The following LRRC4C variants were observed in gnomAD, a reference collection of about 807,000 sequenced individuals.
LRRC4C encodes the protein leucine rich repeat containing 4C, also known as leucine-rich repeat-containing protein 4C.
In LRRC4C, 5 loss-of-function variants were observed where a neutral mutation model predicts 33.6. That is an observed-to-expected ratio of 0.15 (90% CI 0.08 to 0.31). LRRC4C has a LOEUF of 0.31. Among genes scored for constraint, LRRC4C ranks in the 10% least tolerant of loss-of-function variants. The probability of loss-of-function intolerance (pLI) is 1.00; values close to 1 mark genes in which losing one functional copy is unlikely to be tolerated. For missense variants in LRRC4C, 560 were observed against 796.7 expected, an observed-to-expected ratio of 0.70 and a Z score of 3.58; for synonymous variants, 329 against 302.0, an observed-to-expected ratio of 1.09 and a Z score of -0.93.
At chr11:40,408,052 A>G (rs1251853225) in intron 3 of LRRC4C, among the ~76,000 whole-genome samples, 1 of 152,012 alleles carries the variant, frequency 6.6e-6, no homozygotes, top group Non-Finnish European at 1.5e-5. Flanking sequence ...TCAAGATCTC[A>G]TTTCTTTGTA....
intron 3 of LRRC4C, among the ~76,000 whole-genome samples, chr11:40,450,447 T>C (rs963166221): frequency 2.9e-4 from 44 of 152,196 alleles, no homozygotes; most frequent in South Asian, 4.1e-4. Context: ...TATATTATTT[T>C]TGATATAAAC....
intron 3 of LRRC4C, among the ~76,000 whole-genome samples, chr11:40,616,067 AAAAC>A (rs772724977): frequency 2.0e-5 from 3 of 152,002 alleles, no homozygotes; most frequent in Non-Finnish European, 2.9e-5. Context: ...TTACAAGAAA[AAAAC>A]AAACAACCCC....
At chr11:41,032,138 T>G (rs1856764461) in intron 1 of LRRC4C, among the ~76,000 whole-genome samples, 1 of 152,020 alleles carries the variant, frequency 6.6e-6, no homozygotes, top group Non-Finnish European at 1.5e-5. Flanking sequence ...TGCAGTTTGA[T>G]GGACTTGTGA....
intron 1 of LRRC4C, among the ~76,000 whole-genome samples, chr11:41,299,770 G>A (rs1950235850): frequency 6.6e-6 from 1 of 152,014 alleles, no homozygotes; most frequent in African/African-American, 2.4e-5. Flanking sequence ...TTTTCTAGAA[G>A]CAATAAGTTT....
intron 4 of LRRC4C, among the ~76,000 whole-genome samples, chr11:40,261,118 T>C (rs1867677127): frequency 6.6e-6 from 1 of 152,030 alleles, no homozygotes; most frequent in Non-Finnish European, 1.5e-5. Flanking sequence ...TGACCTCAAG[T>C]GATCTTCCCA....
At chr11:41,281,045 TC>T (rs1949648840) in intron 1 of LRRC4C, among the ~76,000 whole-genome samples, 4 of 119,290 alleles carry the variant, frequency 3.4e-5, no homozygotes, top group African/African-American at 1.4e-4. Flanking sequence ...ACATATTTTC[TC>T]TCTCTCTCTC....
At chr11:41,255,832 G>C (rs1006060138) in intron 1 of LRRC4C, among the ~76,000 whole-genome samples, 3 of 151,960 alleles carry the variant, frequency 2.0e-5, no homozygotes, top group Non-Finnish European at 4.4e-5. Context: ...GATCAAGTGG[G>C]AATGCCTTGA....
intron 5 of LRRC4C, among the ~76,000 whole-genome samples, chr11:40,185,751 T>C (rs1861352203): frequency 6.6e-6 from 1 of 152,106 alleles, no homozygotes; most frequent in African/African-American, 2.4e-5. Flanking sequence ...AGTTATAAAG[T>C]AATGGAGATT....
At chr11:40,758,350 G>T (rs1949042964) in intron 2 of LRRC4C, among the ~76,000 whole-genome samples, 1 of 151,990 alleles carries the variant, frequency 6.6e-6, no homozygotes, top group East Asian at 1.9e-4. Context: ...ATGACTTGAG[G>T]GTCCTCTCCT....
intron 3 of LRRC4C, among the ~76,000 whole-genome samples, chr11:40,389,352 C>T (rs1277649834): frequency 1.3e-5 from 2 of 152,122 alleles, no homozygotes; most frequent in East Asian, 1.9e-4. Flanking sequence ...ATCGCTGTAA[C>T]TTGCTTCAGG....
At chr11:41,303,142 T>G (rs1950335117) in intron 1 of LRRC4C, among the ~76,000 whole-genome samples, 1 of 116,484 alleles carries the variant, frequency 8.6e-6, no homozygotes, top group Admixed American at 9.4e-5. Flanking sequence ...CTCCCTCTCA[T>G]GCGGAGCCGA....
At chr11:40,368,958 A>G (rs939447684) in intron 3 of LRRC4C, among the ~76,000 whole-genome samples, 4 of 152,152 alleles carry the variant, frequency 2.6e-5, no homozygotes, top group East Asian at 3.9e-4. Context: ...CATGTTGTAA[A>G]TTAAGTATCT....
chr11:40,802,425 G>T (rs1392429935), intron 2 of LRRC4C, among the ~76,000 whole-genome samples: 1 of 151,622 alleles, frequency 6.6e-6, no homozygotes, highest in Non-Finnish European at 1.5e-5. Context: ...CACATATACT[G>T]AATGGAGAGA....
intron 1 of LRRC4C, among the ~76,000 whole-genome samples, chr11:41,059,474 G>T (rs1160774466): frequency 6.6e-6 from 1 of 152,010 alleles, no homozygotes; most frequent in Non-Finnish European, 1.5e-5. Context: ...CTCCACTTAG[G>T]AACCTGAGGC....
At chr11:41,241,048 G>A (rs754149189) in intron 1 of LRRC4C, among the ~76,000 whole-genome samples, 2 of 152,068 alleles carry the variant, frequency 1.3e-5, no homozygotes, top group Admixed American at 6.6e-5. Flanking sequence ...ACAAACTATG[G>A]TAAGTTATTA....
At chr11:41,356,437 G>T (rs1952164715) in intron 1 of LRRC4C, among the ~76,000 whole-genome samples, 1 of 152,090 alleles carries the variant, frequency 6.6e-6, no homozygotes, top group Non-Finnish European at 1.5e-5. Flanking sequence ...CATGGGTAAG[G>T]GGCCCTAATC....
chr11:41,458,026 T>A (rs1036234849), intron 1 of LRRC4C, among the ~76,000 whole-genome samples: 1 of 152,190 alleles, frequency 6.6e-6, no homozygotes, highest in Non-Finnish European at 1.5e-5. Context: ...ATAATCAACG[T>A]TTTGAGTATG....
intron 3 of LRRC4C, among the ~76,000 whole-genome samples, chr11:40,329,556 C>T (rs1271666649): frequency 6.6e-6 from 1 of 151,962 alleles, no homozygotes; most frequent in African/African-American, 2.4e-5. Flanking sequence ...GAACAGGAAC[C>T]AAAGGTAGGG....
chr11:40,961,986 C>G (rs1704441687), intron 1 of LRRC4C, among the ~76,000 whole-genome samples: 1 of 151,256 alleles, frequency 6.6e-6, no homozygotes, highest in African/African-American at 2.4e-5. Flanking sequence ...TATGAATGAC[C>G]CAGAAACTGA....
Sources: allele counts gnomAD v4.1 joint callset (sites outside exome capture counted in the v4.1 genomes callset), GRCh38; gene constraint gnomAD v4.1.1; transcripts MANE v1.5; gene names NCBI Gene and HGNC (gene_info 2026-07-23, HGNC 2026-07-21).